The following LECT2 variants were observed in gnomAD, a reference collection of about 807,000 sequenced individuals.
LECT2 encodes the protein leukocyte cell-derived chemotaxin-2.
A neutral mutation model predicts 16.6 loss-of-function variants in LECT2; 11 were observed. The observed-to-expected ratio is 0.66, with a 90% CI of 0.42 to 1.09. The LOEUF (loss-of-function observed/expected upper bound fraction) is 1.09. Among genes scored for constraint, LECT2 ranks in the 50% least tolerant of loss-of-function variants. LECT2 has a pLI of 0.00. For missense variants in LECT2, 173 were observed against 184.2 expected, an observed-to-expected ratio of 0.94 and a Z score of 0.35; for synonymous variants, 54 against 64.8, an observed-to-expected ratio of 0.83 and a Z score of 0.80.
At chr5:135,954,760 A>G (rs780184599) in intron 1 of LECT2, 28 bp downstream of exon 1, 19 of 1,557,248 alleles carry the variant, frequency 1.2e-5, no homozygotes, top group Non-Finnish European at 1.6e-5. Flanking sequence ...AAGTTAATCA[A>G]TATTCTAAAA....
intron 3 of LECT2, chr5:135,950,838 T>G: frequency 3.8e-6 from 1 of 263,124 alleles, no homozygotes; most frequent in Non-Finnish European, 7.1e-6. Context: ...CAATCAGCTG[T>G]GGGGTTTCGT....
chr5:135,952,160 TC>T (rs1473866751), intron 2 of LECT2, among the ~76,000 whole-genome samples: 1 of 152,250 alleles, frequency 6.6e-6, no homozygotes, highest in Non-Finnish European at 1.5e-5. Flanking sequence ...AAGGGACGTT[TC>T]CCATATTTCC....
intron 3 of LECT2, among the ~76,000 whole-genome samples, chr5:135,950,054 G>T (rs1046408245): frequency 2.0e-5 from 3 of 152,192 alleles, no homozygotes; most frequent in Admixed American, 6.5e-5. Flanking sequence ...AGCTCCTCAA[G>T]GATGTGGGTT....
rs1277428776 is a variant in LECT2 at position 135,954,864 on chromosome 5, G to A, written c.-31C>T. ...TTTACTTCCTTTAGTTTCTTCCTCT[G>A]ATTAGAGTTGCCCCCACACTCTCTT... is the stretch of plus-strand genomic sequence containing the variant. On this transcript the variant is annotated 5_prime_UTR_variant, in exon 1 of 4. Transcript: ENST00000274507. The A allele has an allele frequency of 6.5e-7, 1 of 1,528,540 alleles. No homozygotes were observed. 94.7% of individuals were successfully genotyped at this position (1,528,540 alleles called of 1,614,324 possible). A position where few individuals can be genotyped will look rare whatever the true frequency, so the allele number is the denominator to read the frequency against.
At chr5:135,954,352 T>C (rs1013378775) in intron 1 of LECT2, among the ~76,000 whole-genome samples, 1 of 152,228 alleles carries the variant, frequency 6.6e-6, no homozygotes, top group African/African-American at 2.4e-5. Flanking sequence ...TATCAGACAG[T>C]GTAGTAATTT....
At chr5:135,950,803 C>G (rs896852309) in intron 3 of LECT2, 14 of 212,122 alleles carry the variant, frequency 6.6e-5, no homozygotes, top group African/African-American at 3.0e-4. Context: ...AGCAAAACCA[C>G]ATGGGCCACA....
chr5:135,952,740 T>C (rs1763812650), intron 2 of LECT2, 131 bp downstream of exon 2: 1 of 630,310 alleles, frequency 1.6e-6, no homozygotes, highest in Non-Finnish European at 2.9e-6. Context: ...GACAGTGATG[T>C]AACTGGTTAC....
Position 135,947,367 on chromosome 5 carries a change from T to C in LECT2, c.420A>G (p.Glu140=). The change falls in exon 4 of 4, where the codon GAA becomes GAG. Residue 140 remains glutamate (E), a synonymous_variant. Transcript: ENST00000274507. The part of the protein sequence containing the change: ...YPGIQSHVHI[E]NCDSSDPTAY... ...CAGTAGGGTCACTCGAGTCACAGTT[T>C]TCAATGTGCACATGCGATTGTATGC... 1 of 1,614,054 alleles carries C rather than the reference T, an allele frequency of 6.2e-7. No homozygotes were observed. Among genetic ancestry groups the C allele is most frequent in the Non-Finnish European group, 8.5e-7 (1 of 1,179,916 alleles).
chr5:135,948,239 TATAAC>T (rs1167514178), intron 3 of LECT2, among the ~76,000 whole-genome samples: 1 of 152,176 alleles, frequency 6.6e-6, no homozygotes, highest in Non-Finnish European at 1.5e-5. Flanking sequence ...ACAATGAAGA[TATAAC>T]AGTTACAACT....
chr5:135,953,958 TTG>T (rs1561586378), intron 1 of LECT2, among the ~76,000 whole-genome samples: 2 of 152,222 alleles, frequency 1.3e-5, no homozygotes, highest in African/African-American at 2.4e-5. Context: ...GGTGCAAACT[TTG>T]TTTCAGGCAC....
At chr5:135,950,947 A>G (rs373338986) in intron 3 of LECT2, 2 of 497,870 alleles carry the variant, frequency 4.0e-6, no homozygotes, top group African/African-American at 3.9e-5. Context: ...TCTATCGGGT[A>G]CTATGCTTAT....
At chr5:135,950,624 G>A (rs1336926227) in intron 3 of LECT2, among the ~76,000 whole-genome samples, 2 of 152,142 alleles carry the variant, frequency 1.3e-5, no homozygotes, top group East Asian at 3.8e-4. Flanking sequence ...ACCAATACCT[G>A]GAGTACCAGG....
chr5:135,954,149 T>A (rs1183424116), intron 1 of LECT2, among the ~76,000 whole-genome samples: 1 of 152,218 alleles, frequency 6.6e-6, no homozygotes, highest in African/African-American at 2.4e-5. Context: ...TAAAGACATT[T>A]TACTCTTCAT....
Position 135,947,430 on chromosome 5 carries a change from T to C in LECT2, c.357A>G (p.Lys119=). 1 of 1,614,014 alleles carries C rather than the reference T, an allele frequency of 6.2e-7. No individual in the cohort carries two copies. Among genetic ancestry groups the C allele is most frequent in the Non-Finnish European group, 8.5e-7 (1 of 1,179,930 alleles). ...KYKGPIKKGE[K]LGTLLPLQKV... ...TCTGCAAGGGCAATAGAGTTCCAAG[T>C]TTTTCTCCCTTCTTAATAGGACCTT... The change falls in exon 4 of 4, where the codon AAA becomes AAG. Residue 119 remains lysine (K), a synonymous_variant. Transcript: ENST00000274507.
chr5:135,952,795 A>C, intron 2 of LECT2, 76 bp downstream of exon 2: 7 of 980,102 alleles, frequency 7.1e-6, no homozygotes, highest in African/African-American at 1.6e-5. Context: ...CCTTGAGGCA[A>C]CCAACGTTGG....
At chr5:135,951,134 ACAAAATCTCTACG>A in intron 3 of LECT2, 76 bp downstream of exon 3, 2 of 1,268,270 alleles carry the variant, frequency 1.6e-6, no homozygotes, top group Non-Finnish European at 2.3e-6. Context: ...TGAAAGAAGT[ACAAAATCTCTACG>A]TATGGAACCT....
At chr5:135,950,606 A>G (rs1763776744) in intron 3 of LECT2, among the ~76,000 whole-genome samples, 1 of 151,464 alleles carries the variant, frequency 6.6e-6, no homozygotes, top group Admixed American at 6.6e-5. Context: ...GAGTAACCAA[A>G]CAACAAAACC....
intron 1 of LECT2, chr5:135,953,206 A>AG (rs762190013): frequency 5.9e-5 from 19 of 319,740 alleles, no homozygotes; most frequent in African/African-American, 4.3e-4. Flanking sequence ...AGTGAATACA[A>AG]TTTTTTTTTT....
At chr5:135,950,974 T>C in intron 3 of LECT2, 1 of 519,732 alleles carries the variant, frequency 1.9e-6, no homozygotes, top group East Asian at 2.9e-5. Flanking sequence ...GGTGACAAAA[T>C]AATCTGTACA....
Sources: allele counts gnomAD v4.1 joint callset (sites outside exome capture counted in the v4.1 genomes callset), GRCh38; gene constraint gnomAD v4.1.1; transcripts MANE v1.5; gene names NCBI Gene and HGNC (gene_info 2026-07-23, HGNC 2026-07-21).